The following RBFOX1 variants were observed in gnomAD, a reference collection of about 807,000 sequenced individuals.
The protein encoded by RBFOX1 is RNA binding fox-1 homolog 1.
A neutral mutation model predicts 57.7 loss-of-function variants in RBFOX1; 8 were observed. The ratio of observed to expected loss-of-function variants is 0.14; its 90% CI spans 0.08 to 0.25. The LOEUF is 0.25. Among genes scored for constraint, RBFOX1 ranks in the 10% least tolerant of loss-of-function variants. RBFOX1 has a pLI of 1.00. For missense variants in RBFOX1, 611 were observed against 548.5 expected, an observed-to-expected ratio of 1.11 and a Z score of -1.14; for synonymous variants, 326 against 222.4, an observed-to-expected ratio of 1.47 and a Z score of -4.15.
At chr16:7,336,912 T>C (rs949261673) in intron 4 of RBFOX1, among the ~76,000 whole-genome samples, 10 of 152,188 alleles carry the variant, frequency 6.6e-5, no homozygotes, top group Non-Finnish European at 1.2e-4. Flanking sequence ...CTAATGTAAA[T>C]ATTCATGTAT....
intron 4 of RBFOX1, among the ~76,000 whole-genome samples, chr16:7,119,143 G>A (rs1247005264): frequency 1.3e-5 from 2 of 152,148 alleles, no homozygotes; most frequent in Non-Finnish European, 2.9e-5. Context: ...CTTGATCTGA[G>A]GAAGACCATG....
intron 1 of RBFOX1, among the ~76,000 whole-genome samples, chr16:5,458,612 A>T (rs2068700590): frequency 6.6e-6 from 1 of 152,258 alleles, no homozygotes. Context: ...TCCCAGCCAC[A>T]TTCTTAACTA....
At chr16:7,301,075 C>G (rs1286507779) in intron 4 of RBFOX1, among the ~76,000 whole-genome samples, 2 of 152,014 alleles carry the variant, frequency 1.3e-5, no homozygotes, top group East Asian at 1.9e-4. Flanking sequence ...TTCTCAGTCT[C>G]TTTTGAGATG....
At chr16:7,441,131 G>A (rs2098762917) in intron 4 of RBFOX1, among the ~76,000 whole-genome samples, 1 of 152,158 alleles carries the variant, frequency 6.6e-6, no homozygotes, top group South Asian at 2.1e-4. Flanking sequence ...TCCTCTATAT[G>A]AGGTGGGGCT....
At chr16:6,729,886 G>A (rs1027589507) in intron 3 of RBFOX1, among the ~76,000 whole-genome samples, 1 of 152,038 alleles carries the variant, frequency 6.6e-6, no homozygotes, top group Non-Finnish European at 1.5e-5. Flanking sequence ...AACGAGAATG[G>A]CCCAGGAGAT....
At position 5,894,848 on chromosome 16, in the gene RBFOX1, C is replaced by T. The variant is rs374409289; in HGVS notation, c.351+27513C>T. Among the ~76,000 whole-genome samples, 60 of 151,940 alleles carry T rather than the reference C, an allele frequency of 3.9e-4. 1 individual carries two copies. The East Asian group carries it at 5.1e-3, about 13-fold the overall frequency. ...CATCTTGGCTAACACGGTGAAACCC[C>T]GTCTCTACTAAAAATACAAAAATAT... On this transcript the variant is annotated intron_variant, in intron 4 of 19. Coordinates refer to the RBFOX1 transcript ENST00000641259.
Position 5,731,970 on chromosome 16 carries a change from A to G in RBFOX1, c.318+133009A>G, listed in dbSNP as rs1346262527. Reference sequence around the variant, plus strand: ...TCCTGCTGACCCAAAAGCTTAATGAATCTAGAATTCTCCACCCCATATCAG... The same window carrying G: ...TCCTGCTGACCCAAAAGCTTAATGAGTCTAGAATTCTCCACCCCATATCAG... On this transcript the variant is annotated intron_variant, in intron 3 of 19. Transcript: ENST00000641259. Among the ~76,000 whole-genome samples, 14 of 152,106 alleles carry G rather than the reference A, an allele frequency of 9.2e-5. 1 individual carries two copies. In the South Asian group the frequency reaches 2.7e-3, roughly 29 times the overall value.
chr16:5,840,135 A>G (rs2056581291), intron 3 of RBFOX1, among the ~76,000 whole-genome samples: 1 of 152,194 alleles, frequency 6.6e-6, no homozygotes, highest in Non-Finnish European at 1.5e-5. Context: ...GTCAGCAGAG[A>G]GTCCTTATTT....
chr16:6,001,610 T>C (rs2060601308), intron 4 of RBFOX1, among the ~76,000 whole-genome samples: 1 of 152,248 alleles, frequency 6.6e-6, no homozygotes, highest in South Asian at 2.1e-4. Flanking sequence ...AGAGACAAGA[T>C]TATTAACCTT....
At chr16:7,235,532 A>G (rs888298989) in intron 4 of RBFOX1, among the ~76,000 whole-genome samples, 6 of 152,190 alleles carry the variant, frequency 3.9e-5, no homozygotes, top group Non-Finnish European at 8.8e-5. Context: ...CCGTAGCTTC[A>G]TCGCTTATGT....
At chr16:5,625,138 T>C (rs1178682561) in intron 3 of RBFOX1, among the ~76,000 whole-genome samples, 1 of 152,202 alleles carries the variant, frequency 6.6e-6, no homozygotes, top group East Asian at 1.9e-4. Flanking sequence ...CATCTTTCTC[T>C]TTCTTACCAA....
At chr16:6,635,032 A>G (rs1235499478) in intron 2 of RBFOX1, among the ~76,000 whole-genome samples, 2 of 143,542 alleles carry the variant, frequency 1.4e-5, no homozygotes, top group Admixed American at 7.1e-5. Context: ...CAAATTATAT[A>G]TGACATGCAT....
chr16:7,333,473 A>G (rs2096729543), intron 4 of RBFOX1, among the ~76,000 whole-genome samples: 1 of 152,204 alleles, frequency 6.6e-6, no homozygotes, highest in Non-Finnish European at 1.5e-5. Flanking sequence ...GCTTTAACCC[A>G]GGAAATGAAA....
intron 3 of RBFOX1, among the ~76,000 whole-genome samples, chr16:5,750,509 C>T (rs569908504): frequency 6.6e-6 from 1 of 152,220 alleles, no homozygotes; most frequent in African/African-American, 2.4e-5. Flanking sequence ...CTGTGGTGGG[C>T]TCCACACAGT....
chr16:7,703,128 G>C (rs1168675780), intron 14 of RBFOX1, among the ~76,000 whole-genome samples: 1 of 152,188 alleles, frequency 6.6e-6, no homozygotes, highest in Admixed American at 6.5e-5. Context: ...TTGGTGCCCT[G>C]TTGCTATGCT....
intron 2 of RBFOX1, among the ~76,000 whole-genome samples, chr16:6,634,084 CACACATACACAT>C (rs60932754): frequency 1.1e-4 from 16 of 151,696 alleles, no homozygotes; most frequent in Admixed American, 9.2e-4. Context: ...CACATACACA[CACACATACACAT>C]ACACATACAC....
intron 3 of RBFOX1, among the ~76,000 whole-genome samples, chr16:6,894,168 TC>T (rs2066198395): frequency 6.6e-6 from 1 of 152,128 alleles, no homozygotes; most frequent in African/African-American, 2.4e-5. Context: ...CTATCTCTTG[TC>T]TGTCTGTCTG....
chr16:7,363,703 A>G (rs1404499677), intron 4 of RBFOX1, among the ~76,000 whole-genome samples: 1 of 152,182 alleles, frequency 6.6e-6, no homozygotes, highest in African/African-American at 2.4e-5. Context: ...GTTGGAGGAC[A>G]AAACCTTTTT....
chr16:6,942,904 C>G (rs1304240434), intron 3 of RBFOX1, among the ~76,000 whole-genome samples: 1 of 152,182 alleles, frequency 6.6e-6, no homozygotes, highest in African/African-American at 2.4e-5. Context: ...ACAAAGTACA[C>G]AGTTGTGGTA....
Sources: allele counts gnomAD v4.1 joint callset (sites outside exome capture counted in the v4.1 genomes callset), GRCh38; gene constraint gnomAD v4.1.1; transcripts MANE v1.5; gene names NCBI Gene and HGNC (gene_info 2026-07-23, HGNC 2026-07-21).